The following TMEM51 variants were observed in gnomAD, a reference collection of about 807,000 sequenced individuals.
TMEM51 encodes transmembrane protein 51.
In TMEM51, 8 loss-of-function variants were observed where a neutral mutation model predicts 13.6. The ratio of observed to expected loss-of-function variants is 0.59; its 90% confidence interval spans 0.35 to 1.07. The LOEUF (loss-of-function observed/expected upper bound fraction) is 1.07, where lower values mean the gene tolerates loss of function less well. TMEM51 is among the 50% of genes least tolerant of loss of function. The probability of loss-of-function intolerance (pLI) is 0.02; values close to 1 mark genes in which losing one functional copy is unlikely to be tolerated. For synonymous variants in TMEM51, 147 were observed against 144.4 expected (o/e 1.02, Z -0.13); for missense variants, 279 against 330.7 (o/e 0.84, Z 1.21).
intron 1 of TMEM51, among the ~76,000 whole-genome samples, chr1:15,203,522 A>G (rs1644196748): frequency 6.6e-6 from 1 of 151,866 alleles, no homozygotes; most frequent in Non-Finnish European, 1.5e-5. Flanking sequence ...CGGCTTCCCA[A>G]GGTGTTGGGA....
At chr1:15,189,464 C>T (rs936080578) in intron 1 of TMEM51, among the ~76,000 whole-genome samples, 3 of 152,104 alleles carry the variant, frequency 2.0e-5, no homozygotes, top group African/African-American at 7.2e-5. Flanking sequence ...TGCCTCCATT[C>T]CATGCCTAAA....
chr1:15,183,427 C>T (rs1643679844), intron 1 of TMEM51, among the ~76,000 whole-genome samples: 1 of 152,194 alleles, frequency 6.6e-6, no homozygotes, highest in Non-Finnish European at 1.5e-5. Flanking sequence ...TTACCAGCTG[C>T]AAAACTTTAT....
intron 1 of TMEM51, among the ~76,000 whole-genome samples, chr1:15,191,371 T>A (rs1643917646): frequency 6.6e-6 from 1 of 152,228 alleles, no homozygotes; most frequent in Admixed American, 6.5e-5. Flanking sequence ...GGTGGCAGTT[T>A]GCTATATCAG....
intron 3 of TMEM51, among the ~76,000 whole-genome samples, chr1:15,216,146 C>G (rs1199805756): frequency 6.6e-6 from 1 of 152,144 alleles, no homozygotes; most frequent in Non-Finnish European, 1.5e-5. Context: ...CTGAACAGGG[C>G]CTGGGGTGGC....
At chr1:15,168,388 A>AAGGT (rs1643104406) in intron 1 of TMEM51, 1 of 1,179,596 alleles carries the variant, frequency 8.5e-7, no homozygotes, top group Admixed American at 3.3e-5. Flanking sequence ...GGAAGGAAGG[A>AAGGT]CTGTAGAGGC....
chr1:15,211,617 G>A (rs925494092), intron 2 of TMEM51, among the ~76,000 whole-genome samples: 1 of 152,098 alleles, frequency 6.6e-6, no homozygotes, highest in African/African-American at 2.4e-5. Flanking sequence ...ACTTGCCCGA[G>A]GTCACACAGC....
intron 2 of TMEM51, among the ~76,000 whole-genome samples, chr1:15,214,006 C>CTTTTTTTTTTT (rs367871717): frequency 3.2e-5 from 4 of 124,204 alleles, no homozygotes; most frequent in Non-Finnish European, 3.3e-5. Context: ...AGCACCCAGC[C>CTTTTTTTTTTT]TTTTTTTTTT....
Position 15,219,779 on chromosome 1 carries a change from C to G in TMEM51, c.*36C>G, listed in dbSNP as rs374949349. 22 of 1,595,250 alleles carry G rather than the reference C, an allele frequency of 1.4e-5. No homozygotes were observed. The highest frequency in any genetic ancestry group is 1.9e-5 in the Non-Finnish European group (22 of 1,170,418). ...TTGAGCCACGCTCCCTCCTGTCTCT[C>G]ACACCTTTCACCCCCAAGACTCTAA... is the stretch of plus-strand genomic sequence containing the variant. On this transcript the variant is annotated 3_prime_UTR_variant, in exon 4 of 4. Transcript: ENST00000376008.
intron 1 of TMEM51, among the ~76,000 whole-genome samples, chr1:15,173,214 CTTTTTTTTTTTTTT>C (rs3078132): frequency 1.0e-5 from 1 of 97,034 alleles, no homozygotes; most frequent in African/African-American, 4.0e-5. Flanking sequence ...TGATCATATT[CTTTTTTTTTTTTTT>C]TTTTTTTTTG....
chr1:15,163,594 A>T (rs998915550), intron 1 of TMEM51, among the ~76,000 whole-genome samples: 4 of 140,624 alleles, frequency 2.8e-5, no homozygotes, highest in Non-Finnish European at 6.5e-5. Context: ...TCCTAAGAAA[A>T]CAGTTAATGA....
At chr1:15,164,432 G>T (rs1214069735) in intron 1 of TMEM51, 2 of 455,972 alleles carry the variant, frequency 4.4e-6, no homozygotes, top group Non-Finnish European at 8.8e-6. Context: ...CTCGTGACTG[G>T]ACTGGGCCTT....
intron 3 of TMEM51, among the ~76,000 whole-genome samples, chr1:15,216,379 A>G (rs1312391845): frequency 6.6e-6 from 1 of 152,248 alleles, no homozygotes; most frequent in Non-Finnish European, 1.5e-5. Flanking sequence ...GACAAAGATT[A>G]TGAATATTCC....
intron 1 of TMEM51, among the ~76,000 whole-genome samples, chr1:15,182,533 T>G (rs1643653869): frequency 6.6e-6 from 1 of 152,246 alleles, no homozygotes; most frequent in Non-Finnish European, 1.5e-5. Flanking sequence ...AATTCACCTC[T>G]CTGAGCTTCA....
intron 1 of TMEM51, among the ~76,000 whole-genome samples, chr1:15,180,484 T>C (rs1643582035): frequency 6.6e-6 from 1 of 152,224 alleles, no homozygotes; most frequent in South Asian, 2.1e-4. Context: ...TCTGCCTCCC[T>C]GGAAGCCCTC....
chr1:15,182,727 G>A (rs552425050), intron 1 of TMEM51, among the ~76,000 whole-genome samples: 55 of 152,274 alleles, frequency 3.6e-4, no homozygotes, highest in African/African-American at 1.3e-3. Flanking sequence ...CTGTGAGGAG[G>A]GAAGGCCAGC....
At chr1:15,171,867 T>C (rs1302349213) in intron 1 of TMEM51, among the ~76,000 whole-genome samples, 1 of 152,102 alleles carries the variant, frequency 6.6e-6, no homozygotes, top group Non-Finnish European at 1.5e-5. Context: ...CCTGACTCTC[T>C]TGACAGGACC....
rs1465830956 is a variant in TMEM51 at position 15,204,379 on chromosome 1, C to A, written c.-266-6111C>A. ...GACTAGCCTGGCCAGCGTGGTGAAA[C>A]CTCGTCTCTACTAAAAATACAAAAA... On this transcript the variant is annotated intron_variant, in intron 1 of 3. Transcript: ENST00000376008. Among the ~76,000 whole-genome samples the A allele has an allele frequency of 3.3e-5, 5 of 152,210 alleles. No individual in the cohort carries two copies. The East Asian group carries it at 7.7e-4, about 23-fold the overall frequency.
chr1:15,216,951 G>A (rs1034815646), intron 3 of TMEM51, among the ~76,000 whole-genome samples: 19 of 152,110 alleles, frequency 1.2e-4, no homozygotes, highest in African/African-American at 3.6e-4. Context: ...AGAAGGATTC[G>A]GGATGTTTTT....
chr1:15,210,981 G>A (rs1205994545), intron 2 of TMEM51, among the ~76,000 whole-genome samples: 3 of 152,014 alleles, frequency 2.0e-5, no homozygotes, highest in Admixed American at 6.6e-5. Context: ...ACAAATCTAC[G>A]CCACCGTTGC....
Sources: gnomAD v4.1 joint callset for allele counts (sites outside exome capture counted in the v4.1 genomes callset) on GRCh38, gnomAD v4.1.1 for gene constraint, MANE v1.5 for transcripts, NCBI Gene and HGNC (gene_info 2026-07-23, HGNC 2026-07-21) for gene names.